PHLDB2: variants seen among roughly 807,000 people sequenced by gnomAD.
PHLDB2 encodes pleckstrin homology like domain family B member 2.
A neutral mutation model predicts 123.6 loss-of-function variants in PHLDB2; 71 were observed. The ratio of observed to expected loss-of-function variants is 0.57; its 90% CI spans 0.47 to 0.70. The LOEUF (loss-of-function observed/expected upper bound fraction) is 0.70, where lower values mean the gene tolerates loss of function less well. Among genes scored for constraint, PHLDB2 ranks in the 30% least tolerant of loss-of-function variants. PHLDB2 has a pLI of 0.00. For synonymous variants in PHLDB2, 547 were observed against 541.6 expected, an observed-to-expected ratio of 1.01 and a Z score of -0.14; for missense variants, 1,446 against 1,519.5, an observed-to-expected ratio of 0.95 and a Z score of 0.80.
rs1171928721 is a variant in PHLDB2 at position 111,885,116 on chromosome 3, T to A, written c.1039T>A (p.Ser347Thr). 6.2e-6 allele frequency: 10 copies of A among 1,613,930 alleles called. No individual in the cohort carries two copies. In the African/African-American group the frequency reaches 6.7e-5, roughly 11 times the overall value. The change falls in exon 2 of 18, where the codon TCC (serine) becomes ACC (threonine). Residue 347 changes from serine (S) to threonine (T), a missense_variant. Physicochemically the swap from Ser to Thr is moderately conservative, Grantham distance 58. This residue lies in a region of PHLDB2 where 832 missense variants were observed against 831.9 expected (regional missense o/e 1.00). Coordinates refer to ENST00000431670, the MANE Select transcript of PHLDB2 (RefSeq NM_001134438.2). The stretch of plus-strand genomic sequence containing the variant: ...TCGGAAGATGCTTCTGGCCTCCACC[T>A]CCTCCTGTGCCTCTGATGACTTTGA... ...VARKMLLASTSSCASDDFDQA... is the reference protein window; with the variant it reads ...VARKMLLASTTSCASDDFDQA...
chr3:111,820,595 T>TA (rs1275834045), intron 1 of PHLDB2, among the ~76,000 whole-genome samples: 1 of 152,240 alleles, frequency 6.6e-6, no homozygotes, highest in Non-Finnish European at 1.5e-5. Flanking sequence ...CCACATAACT[T>TA]ACAACCAGTG....
upstream of PHLDB2, among the ~76,000 whole-genome samples, chr3:111,854,888 G>A (rs768247930): frequency 2.7e-4 from 41 of 152,178 alleles, no homozygotes; most frequent in Non-Finnish European, 4.6e-4. Flanking sequence ...ATAAACTAAA[G>A]GAAAAGAATG....
intron 5 of PHLDB2, among the ~76,000 whole-genome samples, chr3:111,923,239 C>A (rs2068623114): frequency 6.6e-6 from 1 of 152,188 alleles, no homozygotes; most frequent in Admixed American, 6.5e-5. Flanking sequence ...TGGTGCCCAG[C>A]CTGCTGGGTG....
intron 1 of PHLDB2, among the ~76,000 whole-genome samples, chr3:111,783,423 G>T (rs1196419866): frequency 6.6e-6 from 1 of 151,900 alleles, no homozygotes; most frequent in Non-Finnish European, 1.5e-5. Flanking sequence ...CAAGACTGAG[G>T]CTTGGAGAAA....
chr3:111,922,688 G>C (rs762064638), intron 5 of PHLDB2, among the ~76,000 whole-genome samples: 15 of 152,198 alleles, frequency 9.9e-5, no homozygotes, highest in African/African-American at 3.4e-4. Flanking sequence ...AACTCAAATA[G>C]AGACTCAACA....
intron 1 of PHLDB2, among the ~76,000 whole-genome samples, chr3:111,789,825 GT>G (rs1430475921): frequency 6.6e-6 from 1 of 152,112 alleles, no homozygotes; most frequent in Non-Finnish European, 1.5e-5. Context: ...GAGTATTTTT[GT>G]TTGGCCCTTG....
intron 2 of PHLDB2, among the ~76,000 whole-genome samples, chr3:111,907,686 G>C (rs1208777085): frequency 1.3e-5 from 2 of 152,118 alleles, no homozygotes; most frequent in Non-Finnish European, 2.9e-5. Context: ...AGTAGATACA[G>C]GGTTTAACCA....
At chr3:111,750,510 G>T (rs781359501) in intron 1 of PHLDB2, among the ~76,000 whole-genome samples, 36 of 152,188 alleles carry the variant, frequency 2.4e-4, no homozygotes, top group Non-Finnish European at 4.0e-4. Context: ...GGTTAAAGGA[G>T]AAAGTTGACG....
At position 111,860,417 on chromosome 3, in the gene PHLDB2, C is replaced by T. The variant is rs145719646; in HGVS notation, c.-15+841C>T. 4.4e-3 allele frequency among the ~76,000 whole-genome samples: 673 copies of T among 152,336 alleles called. 5 individuals are homozygous for T. Among genetic ancestry groups the T allele is most frequent in the African/African-American group, 0.016 (648 of 41,584 alleles). On this transcript the variant is annotated intron_variant, in intron 1 of 17. Transcript: ENST00000431670. ...ACCCCTAGAGATAGCAGCTGGAAGG[C>T]TTGGGGAGTATTTTAACCCTCTGTT...
At chr3:111,950,777 G>A (rs1303805887) in intron 10 of PHLDB2, among the ~76,000 whole-genome samples, 1 of 152,104 alleles carries the variant, frequency 6.6e-6, no homozygotes, top group Admixed American at 6.5e-5. Flanking sequence ...ATTTGTTAAA[G>A]GACTATATCT....
intron 2 of PHLDB2, among the ~76,000 whole-genome samples, chr3:111,846,842 G>A (rs1321221568): frequency 2.0e-5 from 3 of 152,088 alleles, no homozygotes; most frequent in Admixed American, 6.6e-5. Context: ...TGTTTATCTC[G>A]AGCAGACATG....
At chr3:111,824,175 T>C (rs1283135291) in intron 1 of PHLDB2, among the ~76,000 whole-genome samples, 1 of 152,140 alleles carries the variant, frequency 6.6e-6, no homozygotes, top group Non-Finnish European at 1.5e-5. Context: ...TGCTGGTCGG[T>C]TCTTTTCTCT....
At chr3:111,904,044 G>A (rs965932271) in intron 2 of PHLDB2, among the ~76,000 whole-genome samples, 3 of 152,074 alleles carry the variant, frequency 2.0e-5, no homozygotes, top group African/African-American at 4.8e-5. Context: ...TTGGGAGGCC[G>A]AGGCGGGCAG....
chr3:111,974,172 G>A (rs1031248567), intron 17 of PHLDB2, among the ~76,000 whole-genome samples: 1 of 152,126 alleles, frequency 6.6e-6, no homozygotes, highest in Non-Finnish European at 1.5e-5. Flanking sequence ...TCTCAGCTAG[G>A]TACCCTGCTA....
intron 9 of PHLDB2, among the ~76,000 whole-genome samples, chr3:111,948,590 T>C (rs2070477413): frequency 6.6e-6 from 1 of 152,242 alleles, no homozygotes; most frequent in Admixed American, 6.5e-5. Context: ...CTTGGTGTGC[T>C]ATTACTTTAA....
intron 1 of PHLDB2, among the ~76,000 whole-genome samples, chr3:111,741,077 G>C (rs2059596193): frequency 6.6e-6 from 1 of 152,158 alleles, no homozygotes; most frequent in Non-Finnish European, 1.5e-5. Context: ...GAGCACCATT[G>C]CTTCTTGAAT....
At chr3:111,813,109 C>T (rs1039012219) in intron 1 of PHLDB2, among the ~76,000 whole-genome samples, 4 of 152,182 alleles carry the variant, frequency 2.6e-5, no homozygotes, top group African/African-American at 7.2e-5. Flanking sequence ...AAGACTCCAG[C>T]TGAATGGACA....
chr3:111,863,132 T>C (rs2064916462), intron 1 of PHLDB2, among the ~76,000 whole-genome samples: 1 of 152,184 alleles, frequency 6.6e-6, no homozygotes, highest in Admixed American at 6.5e-5. Context: ...GGCACGTGCC[T>C]GGGTGCCCCA....
intron 1 of PHLDB2, among the ~76,000 whole-genome samples, chr3:111,815,602 C>A (rs544992513): frequency 1.3e-5 from 2 of 152,166 alleles, no homozygotes; most frequent in South Asian, 4.1e-4. Flanking sequence ...GGGTATCTGG[C>A]CGAAGAAATT....
Sources: gnomAD v4.1 joint callset for allele counts (sites outside exome capture counted in the v4.1 genomes callset) on GRCh38, gnomAD v4.1.1 for gene constraint, gnomAD v4.1.1 regional missense constraint, MANE v1.5 for transcripts, NCBI Gene and HGNC (gene_info 2026-07-23, HGNC 2026-07-21) for gene names.